Variants in CNNM1 observed in about 807,000 individuals in gnomAD.
CNNM1 encodes the protein metal transporter CNNM1.
Under a neutral mutation model 78.8 loss-of-function variants are expected in CNNM1, and 44 were observed. That is an observed-to-expected ratio of 0.56 (90% CI 0.44 to 0.72). CNNM1 has a LOEUF of 0.72. Among genes scored for constraint, CNNM1 ranks in the 30% least tolerant of loss-of-function variants. CNNM1 has a pLI of 0.00. For synonymous variants in CNNM1, 584 were observed against 581.5 expected (o/e 1.00, Z -0.06); for missense variants, 1,101 against 1,292.2 (o/e 0.85, Z 2.27).
At chr10:99,347,305 G>C (rs1319750874) in intron 1 of CNNM1, among the ~76,000 whole-genome samples, 1 of 151,952 alleles carries the variant, frequency 6.6e-6, no homozygotes, top group Non-Finnish European at 1.5e-5. Context: ...TGGATCACGA[G>C]GTCAGGAGTT....
At chr10:99,336,488 A>C (rs755000373) in intron 1 of CNNM1, among the ~76,000 whole-genome samples, 1 of 152,222 alleles carries the variant, frequency 6.6e-6, no homozygotes, top group Non-Finnish European at 1.5e-5. Context: ...TAAGCAGTGC[A>C]TGACGATTTC....
intron 1 of CNNM1, among the ~76,000 whole-genome samples, chr10:99,352,996 TCA>T (rs2031002106): frequency 2.0e-5 from 3 of 152,320 alleles, no homozygotes; most frequent in Admixed American, 6.5e-5. Context: ...CATTTTTAGT[TCA>T]CTTTTATGTA....
intron 6 of CNNM1, among the ~76,000 whole-genome samples, chr10:99,376,781 G>T (rs1156408741): frequency 6.6e-6 from 1 of 152,166 alleles, no homozygotes; most frequent in Admixed American, 6.5e-5. Context: ...GGGAGAGGTT[G>T]TGGGGAGCAG....
intron 9 of CNNM1, among the ~76,000 whole-genome samples, chr10:99,389,475 G>A (rs2032410377): frequency 6.6e-6 from 1 of 151,700 alleles, no homozygotes; most frequent in Non-Finnish European, 1.5e-5. Flanking sequence ...TGAACTTGTG[G>A]CTGACCCAGA....
At chr10:99,376,728 C>T (rs532504060) in intron 6 of CNNM1, among the ~76,000 whole-genome samples, 6 of 152,196 alleles carry the variant, frequency 3.9e-5, no homozygotes, top group East Asian at 3.9e-4. Context: ...GTGAACCACC[C>T]GTCCCCCCTG....
intron 1 of CNNM1, among the ~76,000 whole-genome samples, chr10:99,351,065 T>C (rs772426961): frequency 2.0e-5 from 3 of 152,230 alleles, no homozygotes; most frequent in Non-Finnish European, 4.4e-5. Flanking sequence ...CCTCATCTTC[T>C]AAGAAATCTG....
At chr10:99,362,702 A>G (rs1460960813) in intron 4 of CNNM1, among the ~76,000 whole-genome samples, 1 of 152,144 alleles carries the variant, frequency 6.6e-6, no homozygotes, top group Non-Finnish European at 1.5e-5. Flanking sequence ...TGCGGAAGCT[A>G]TAATACCTCC....
chr10:99,374,264 C>T (rs1026512740), intron 6 of CNNM1, among the ~76,000 whole-genome samples: 6 of 152,174 alleles, frequency 3.9e-5, no homozygotes, highest in African/African-American at 1.4e-4. Flanking sequence ...TCCCTGTCCC[C>T]GTCAGTTCTT....
At chr10:99,340,448 G>C (rs913910357) in intron 1 of CNNM1, among the ~76,000 whole-genome samples, 4 of 151,954 alleles carry the variant, frequency 2.6e-5, no homozygotes, top group African/African-American at 9.7e-5. Flanking sequence ...TCTTTTATTT[G>C]AAGAATATCA....
chr10:99,357,744 T>G (rs1482742968), intron 2 of CNNM1, 89 bp downstream of exon 2: 4 of 1,346,564 alleles, frequency 3.0e-6, no homozygotes, highest in Non-Finnish European at 3.9e-6. Context: ...ATAGAAAGGG[T>G]GTCAGGGCAA....
At chr10:99,387,397 G>A (rs944269193) in intron 7 of CNNM1, among the ~76,000 whole-genome samples, 4 of 152,186 alleles carry the variant, frequency 2.6e-5, no homozygotes, top group African/African-American at 4.8e-5. Flanking sequence ...CCAGCTTCCC[G>A]ACACTGAGAC....
chr10:99,356,558 C>CAGAAAGAAAGAAAGAAAGAAAAGAAA (rs1355245134), intron 1 of CNNM1, among the ~76,000 whole-genome samples: 1 of 45,748 alleles, frequency 2.2e-5, no homozygotes, highest in Non-Finnish European at 7.0e-5. Flanking sequence ...GACAGACAGA[C>CAGAAAGAAAGAAAGAAAGAAAAGAAA]AGACAGAAAG....
chr10:99,391,140 G>A (rs1294794190), intron 10 of CNNM1, among the ~76,000 whole-genome samples: 1 of 152,240 alleles, frequency 6.6e-6, no homozygotes, highest in East Asian at 1.9e-4. Flanking sequence ...CAGGAGGCAT[G>A]GGCCTGAGGT....
At chr10:99,388,080 C>G in intron 8 of CNNM1, 72 bp from the exon 9 acceptor site, 1 of 1,596,804 alleles carries the variant, frequency 6.3e-7, no homozygotes, top group South Asian at 1.1e-5. Context: ...CTAGCCCTTC[C>G]CAGGGCTCAC....
Position 99,329,458 on chromosome 10 carries a change from T to G in CNNM1, c.71T>G (p.Val24Gly). 1 of 1,394,514 alleles carries G rather than the reference T, an allele frequency of 7.2e-7. No individual in the cohort carries two copies. Among genetic ancestry groups the G allele is most frequent in the Non-Finnish European group, 9.7e-7 (1 of 1,033,718 alleles). 86.4% of individuals were successfully genotyped at this position (1,394,514 alleles called of 1,614,324 possible). Residue 24 changes from valine (V) to glycine (G), a missense_variant, in exon 1 of 11, where the codon GTG becomes GGG. This residue lies in a region of CNNM1 where 476 missense variants were observed against 484.5 expected (regional missense o/e 0.98). Transcript: ENST00000356713. ...CGGGACTGCTGCAGCCGAGGCGCTG[T>G]GCTCCTGCTCTTCTTTTCCCTGTCT... ...RLRDCCSRGA[V>G]LLLFFSLSPR...
chr10:99,381,694 A>T (rs377509001), intron 7 of CNNM1, among the ~76,000 whole-genome samples: 1 of 151,508 alleles, frequency 6.6e-6, no homozygotes, highest in Non-Finnish European at 1.5e-5. Flanking sequence ...GTGAGCCGAG[A>T]TCGGCGCCAC....
chr10:99,377,996 C>G (rs1178431078), intron 7 of CNNM1, among the ~76,000 whole-genome samples: 1 of 136,492 alleles, frequency 7.3e-6, no homozygotes, highest in Non-Finnish European at 1.5e-5. Flanking sequence ...CAGAATCTCG[C>G]TCTGTTGCCC....
At chr10:99,361,113 G>A in intron 3 of CNNM1, 138 bp downstream of exon 3, 1 of 952,406 alleles carries the variant, frequency 1.0e-6, no homozygotes, top group Non-Finnish European at 1.5e-6. Context: ...GAAGGAGGTT[G>A]CCTTAGACAG....
chr10:99,339,299 T>C (rs1757131717), intron 1 of CNNM1, among the ~76,000 whole-genome samples: 1 of 152,222 alleles, frequency 6.6e-6, no homozygotes, highest in African/African-American at 2.4e-5. Context: ...TACACTAGAC[T>C]CTGGGAATAC....
Sources: gnomAD v4.1 joint callset for allele counts (sites outside exome capture counted in the v4.1 genomes callset) on GRCh38, gnomAD v4.1.1 for gene constraint, gnomAD v4.1.1 regional missense constraint, MANE v1.5 for transcripts, NCBI Gene and HGNC (gene_info 2026-07-23, HGNC 2026-07-21) for gene names.